CSMD3: variants seen among roughly 807,000 people sequenced by gnomAD.
CSMD3 encodes the protein CUB and Sushi multiple domains 3, also known as CUB and sushi domain-containing protein 3.
CSMD3 carries 177 observed loss-of-function variants against 435.2 expected under a neutral mutation model. That is an observed-to-expected ratio of 0.41 (90% CI 0.36 to 0.46). The LOEUF is 0.46. Ranked by LOEUF, CSMD3 falls within the 20% of genes least tolerant of loss-of-function variation. The pLI, the probability that CSMD3 is intolerant of heterozygous loss-of-function variation, is 0.34. For synonymous variants in CSMD3, 1,656 were observed against 1,520.5 expected (o/e 1.09, Z -2.07); for missense variants, 4,265 against 4,504.6 (o/e 0.95, Z 1.52).
intron 10 of CSMD3, among the ~76,000 whole-genome samples, chr8:112,881,640 A>G (rs2130207473): frequency 6.6e-6 from 1 of 152,122 alleles, no homozygotes; most frequent in Non-Finnish European, 1.5e-5. Context: ...GGGCTTAACA[A>G]ATCCTTGGTG....
intron 2 of CSMD3, among the ~76,000 whole-genome samples, chr8:113,305,542 A>G (rs377268967): frequency 2.0e-5 from 3 of 152,116 alleles, no homozygotes; most frequent in African/African-American, 7.2e-5. Context: ...GCTTATTGTC[A>G]TCTTTTGTTT....
chr8:112,804,188 A>C (rs2079026179), intron 12 of CSMD3, among the ~76,000 whole-genome samples: 1 of 152,180 alleles, frequency 6.6e-6, no homozygotes, highest in Admixed American at 6.5e-5. Context: ...AGGGTAGTTC[A>C]AAATTTTTGT....
chr8:112,820,859 C>T (rs886447478), intron 12 of CSMD3, among the ~76,000 whole-genome samples: 2 of 151,800 alleles, frequency 1.3e-5, no homozygotes, highest in Non-Finnish European at 2.9e-5. Flanking sequence ...GTTCTCCTGC[C>T]TGTGTACATG....
chr8:112,485,579 G>T (rs1366946768), intron 31 of CSMD3, among the ~76,000 whole-genome samples: 32 of 152,018 alleles, frequency 2.1e-4, no homozygotes, highest in Admixed American at 2.1e-3. Context: ...GACAAGTCAT[G>T]CCATTTAAAC....
chr8:112,396,944 G>C (rs1209232690), intron 35 of CSMD3, among the ~76,000 whole-genome samples: 1 of 152,030 alleles, frequency 6.6e-6, no homozygotes. Flanking sequence ...TCTAATCAGA[G>C]GAAATAAGAA....
intron 2 of CSMD3, among the ~76,000 whole-genome samples, chr8:113,303,979 T>C (rs1203134237): frequency 2.2e-5 from 3 of 138,110 alleles, no homozygotes; most frequent in Admixed American, 8.3e-5. Flanking sequence ...ACAGGCAACC[T>C]ACAAAATGGG....
intron 38 of CSMD3, among the ~76,000 whole-genome samples, chr8:112,376,298 T>C (rs1478132098): frequency 6.6e-6 from 1 of 152,160 alleles, no homozygotes; most frequent in Admixed American, 6.6e-5. Context: ...GTGCCTGACA[T>C]ATGGTAGGTG....
At chr8:112,552,914 G>C (rs1244698988) in intron 25 of CSMD3, among the ~76,000 whole-genome samples, 194 bp from the exon 26 acceptor site, 4 of 152,146 alleles carry the variant, frequency 2.6e-5, no homozygotes, top group African/African-American at 9.6e-5. Flanking sequence ...TCAAGTTAGA[G>C]CACAAAAAAG....
intron 35 of CSMD3, among the ~76,000 whole-genome samples, chr8:112,391,639 C>T (rs1051032130): frequency 6.6e-6 from 1 of 151,424 alleles, no homozygotes; most frequent in African/African-American, 2.4e-5. Context: ...TTGCAATGAG[C>T]TGAGATTGCG....
At chr8:112,993,063 G>T (rs1445493110) in intron 6 of CSMD3, among the ~76,000 whole-genome samples, 2 of 151,728 alleles carry the variant, frequency 1.3e-5, no homozygotes, top group Non-Finnish European at 2.9e-5. Context: ...CACATTAAGA[G>T]TCAAGAGCAG....
chr8:113,394,398 A>G (rs1177041366), intron 1 of CSMD3, among the ~76,000 whole-genome samples: 2 of 152,146 alleles, frequency 1.3e-5, no homozygotes, highest in South Asian at 2.1e-4. Context: ...TATACCTTAG[A>G]ACAAAATTTA....
chr8:113,372,722 A>C (rs2094353815), intron 1 of CSMD3, among the ~76,000 whole-genome samples: 1 of 152,134 alleles, frequency 6.6e-6, no homozygotes, highest in Non-Finnish European at 1.5e-5. Context: ...TCATGAGGTC[A>C]GGAGATCGAG....
At chr8:113,212,314 T>C (rs1340627150) in intron 3 of CSMD3, among the ~76,000 whole-genome samples, 1 of 152,164 alleles carries the variant, frequency 6.6e-6, no homozygotes, top group Non-Finnish European at 1.5e-5. Flanking sequence ...AGGTATATAT[T>C]GATATCTCTT....
chr8:112,958,650 A>T (rs2084120643), intron 7 of CSMD3, among the ~76,000 whole-genome samples: 1 of 152,226 alleles, frequency 6.6e-6, no homozygotes, highest in South Asian at 2.1e-4. Flanking sequence ...TTAATCAGCT[A>T]AAGTCATTAT....
At chr8:112,379,207 C>A (rs200720559) in intron 38 of CSMD3, among the ~76,000 whole-genome samples, 1 of 152,164 alleles carries the variant, frequency 6.6e-6, no homozygotes, top group Non-Finnish European at 1.5e-5. Context: ...TGGTGGCTCA[C>A]GCCTGTAATC....
intron 1 of CSMD3, among the ~76,000 whole-genome samples, chr8:113,384,954 T>C (rs1513517): frequency 6.6e-6 from 1 of 152,144 alleles, no homozygotes; most frequent in African/African-American, 2.4e-5. Flanking sequence ...TGGATACATT[T>C]GAAGTTTAGT....
intron 24 of CSMD3, among the ~76,000 whole-genome samples, chr8:112,561,314 T>C (rs1273009469): frequency 1.3e-5 from 2 of 151,624 alleles, no homozygotes; most frequent in East Asian, 1.9e-4. Flanking sequence ...GCTGGTGAAA[T>C]GAAAATTTCT....
At chr8:112,971,822 C>T (rs977928838) in intron 7 of CSMD3, among the ~76,000 whole-genome samples, 1 of 151,712 alleles carries the variant, frequency 6.6e-6, no homozygotes, top group Non-Finnish European at 1.5e-5. Flanking sequence ...GAGGAGACTG[C>T]AAATAATTTT....
At chr8:112,927,589 T>C (rs2082950112) in intron 9 of CSMD3, among the ~76,000 whole-genome samples, 1 of 152,142 alleles carries the variant, frequency 6.6e-6, no homozygotes, top group African/African-American at 2.4e-5. Context: ...TCCAAAGGGA[T>C]GATAAATTAC....
Sources: gnomAD v4.1 joint callset for allele counts (sites outside exome capture counted in the v4.1 genomes callset) on GRCh38, gnomAD v4.1.1 for gene constraint, MANE v1.5 for transcripts, NCBI Gene and HGNC (gene_info 2026-07-23, HGNC 2026-07-21) for gene names.